SPATA16: variants seen among roughly 807,000 people sequenced by gnomAD.
SPATA16 encodes the protein spermatogenesis-associated protein 16.
In SPATA16, 36 loss-of-function variants were observed where a neutral mutation model predicts 63.3. The observed-to-expected ratio is 0.57, with a 90% CI of 0.44 to 0.75. The LOEUF (loss-of-function observed/expected upper bound fraction) is 0.75, where lower values mean the gene tolerates loss of function less well. Ranked by LOEUF, SPATA16 falls within the 30% of genes least tolerant of loss-of-function variation. The probability of loss-of-function intolerance (pLI) is 0.00; values close to 1 mark genes in which losing one functional copy is unlikely to be tolerated. For missense variants in SPATA16, 646 were observed against 679.3 expected (o/e 0.95, Z 0.54); for synonymous variants, 203 against 216.7 (o/e 0.94, Z 0.56).
chr3:173,033,446 T>C (rs1735648802), intron 3 of SPATA16, among the ~76,000 whole-genome samples: 1 of 152,214 alleles, frequency 6.6e-6, no homozygotes, highest in African/African-American at 2.4e-5. Context: ...TCTTGACATT[T>C]TCTCTTAAAA....
chr3:172,934,445 G>C (rs919475434), intron 6 of SPATA16, among the ~76,000 whole-genome samples: 1 of 152,066 alleles, frequency 6.6e-6, no homozygotes, highest in Non-Finnish European at 1.5e-5. Flanking sequence ...ATTTTATAAG[G>C]TCCTGTATAT....
chr3:172,961,069 T>TTCCTTCCTTCCTTCCTTC lies in SPATA16; in HGVS notation c.934-4246_934-4245insGAAGGAAGGAAGGAAGGA, dbSNP rs1560080334. ...CTTTCTTCTTTCTTTCTTTCTTCTT[T>TTCCTTCCTTCCTTCCTTC]CTTCCTTCCTTCCTTCCTTCCTTCC... On this transcript the variant is annotated intron_variant, in intron 5 of 10. Transcript: ENST00000351008. 8.3e-4 allele frequency among the ~76,000 whole-genome samples: 60 copies of TTCCTTCCTTCCTTCCTTC among 72,380 alleles called. 3 individuals carry two copies. Among genetic ancestry groups the TTCCTTCCTTCCTTCCTTC allele is most frequent in the South Asian group, 3.4e-3 (6 of 1,772 alleles). 47.5% of individuals were successfully genotyped at this position (72,380 alleles called of 152,430 possible).
intron 2 of SPATA16, among the ~76,000 whole-genome samples, chr3:173,075,008 A>AAAG (rs1485154621): frequency 0.1 from 15,235 of 145,748 alleles, 939 homozygotes; most frequent in East Asian, 0.22. Context: ...AAAAAAAAAA[A>AAAG]AAAAGGAAAG....
intron 6 of SPATA16, among the ~76,000 whole-genome samples, chr3:172,954,584 C>T (rs1733528032): frequency 6.6e-6 from 1 of 152,192 alleles, no homozygotes; most frequent in African/African-American, 2.4e-5. Context: ...CTAATCACCT[C>T]TCTGCATCTT....
At chr3:173,138,601 G>A (rs925646971) in intron 1 of SPATA16, among the ~76,000 whole-genome samples, 1 of 152,056 alleles carries the variant, frequency 6.6e-6, no homozygotes, top group Non-Finnish European at 1.5e-5. Flanking sequence ...TCTATGAAAA[G>A]AAATTGAAAT....
At chr3:173,097,017 T>G (rs963608981) in intron 2 of SPATA16, among the ~76,000 whole-genome samples, 2 of 152,184 alleles carry the variant, frequency 1.3e-5, no homozygotes, top group Admixed American at 1.3e-4. Context: ...CAGTTACCCA[T>G]GGTCAACTGC....
rs137935971 is a variant in SPATA16 at position 173,002,358 on chromosome 3, A to T, written c.848+17128T>A. 9.8e-4 allele frequency among the ~76,000 whole-genome samples: 149 copies of T among 152,304 alleles called. 1 individual carries two copies. Among genetic ancestry groups the T allele is most frequent in the African/African-American group, 3.4e-3 (141 of 41,576 alleles). ...AAAAAGAGACAAAGACTGGAGTTTG[A>T]ATAAAATGCAGACTGAATAAATGAT... On this transcript the variant is annotated intron_variant, in intron 4 of 10. Transcript: ENST00000351008.
At chr3:173,016,116 C>T (rs1735181264) in intron 4 of SPATA16, among the ~76,000 whole-genome samples, 1 of 152,254 alleles carries the variant, frequency 6.6e-6, no homozygotes, top group East Asian at 1.9e-4. Flanking sequence ...TTAACCAGTG[C>T]CAGCCATCTC....
rs1309258076 is a variant in SPATA16 at position 173,049,066 on chromosome 3, T to C, written c.641A>G (p.Glu214Gly). 1.9e-6 allele frequency: 3 copies of C among 1,613,604 alleles called. No individual in the cohort carries two copies. Among genetic ancestry groups the C allele is most frequent in the Non-Finnish European group, 2.5e-6 (3 of 1,179,702 alleles). The change falls in exon 3 of 11, where the codon GAA becomes GGA. Residue 214 changes from glutamate to glycine, a missense_variant. Physicochemically the swap from Glu to Gly is moderately conservative, Grantham distance 98. Transcript: ENST00000351008. ...ATCTTCAGCAGGTGCATCAAATGGTTCTCCCAGAACTGCTCCTTTGCTGCA... is the reference window on the plus strand; with the variant it reads ...ATCTTCAGCAGGTGCATCAAATGGTCCTCCCAGAACTGCTCCTTTGCTGCA... ...ELCSKGAVLG[E>G]PFDAPAEDIA...
chr3:173,001,194 G>T (rs922492016), intron 4 of SPATA16, among the ~76,000 whole-genome samples: 2 of 151,706 alleles, frequency 1.3e-5, no homozygotes, highest in Non-Finnish European at 2.9e-5. Context: ...TAGGGGAATT[G>T]TTCTATAATT....
At chr3:172,939,150 G>T (rs904980699) in intron 6 of SPATA16, among the ~76,000 whole-genome samples, 10 of 152,116 alleles carry the variant, frequency 6.6e-5, no homozygotes, top group Admixed American at 1.3e-4. Context: ...TATAACTTCT[G>T]CCTTCCTAAA....
chr3:173,117,036 G>A, intron 2 of SPATA16, 84 bp downstream of exon 2: 4 of 1,328,062 alleles, frequency 3.0e-6, no homozygotes, highest in Non-Finnish European at 4.3e-6. Context: ...GCTTATTACA[G>A]TATGGCCAGA....
chr3:173,120,215 T>A (rs540108804), intron 1 of SPATA16, among the ~76,000 whole-genome samples: 1 of 152,336 alleles, frequency 6.6e-6, no homozygotes, highest in African/African-American at 2.4e-5. Flanking sequence ...TCACTTTATT[T>A]TTTGTTTGCC....
chr3:172,968,216 G>C (rs930774629), intron 5 of SPATA16, among the ~76,000 whole-genome samples: 3 of 152,232 alleles, frequency 2.0e-5, no homozygotes, highest in Non-Finnish European at 2.9e-5. Flanking sequence ...CCCTTGCAGG[G>C]CATATTCTGA....
At chr3:172,986,596 T>C (rs1285967152) in intron 4 of SPATA16, among the ~76,000 whole-genome samples, 1 of 152,110 alleles carries the variant, frequency 6.6e-6, no homozygotes, top group Admixed American at 6.6e-5. Context: ...AGCACACAGC[T>C]TGAACACAGG....
At chr3:172,963,496 T>C (rs986326664) in intron 5 of SPATA16, among the ~76,000 whole-genome samples, 5 of 152,032 alleles carry the variant, frequency 3.3e-5, no homozygotes, top group Middle Eastern at 6.8e-3. Flanking sequence ...TGTAGTGTGT[T>C]ACTGCTATAT....
rs1052960468 is a variant in SPATA16, at chr3:173,033,968, G to A, written c.759-14393C>T. Reference sequence around the variant, plus strand: ...GATCTGTCTGCCTCAGCCTCCCAAAGAGCTGGGATTACAGGAGTGAGCTGC... The same window carrying A: ...GATCTGTCTGCCTCAGCCTCCCAAAAAGCTGGGATTACAGGAGTGAGCTGC... On this transcript the variant is annotated intron_variant, in intron 3 of 10. Transcript: ENST00000351008. 2.0e-5 allele frequency among the ~76,000 whole-genome samples: 3 copies of A among 152,142 alleles called. No individual in the cohort carries two copies. The East Asian group carries it at 5.8e-4, about 29-fold the overall frequency.
intron 10 of SPATA16, among the ~76,000 whole-genome samples, chr3:172,903,568 T>A (rs907332003): frequency 6.6e-6 from 1 of 152,204 alleles, no homozygotes; most frequent in Non-Finnish European, 1.5e-5. Flanking sequence ...GAAAGCCTGA[T>A]GCATTTCTGG....
intron 5 of SPATA16, among the ~76,000 whole-genome samples, chr3:172,961,063 C>CTTCT (rs1278411759): frequency 7.6e-4 from 22 of 28,760 alleles, no homozygotes; most frequent in East Asian, 3.7e-3. Context: ...TTCTTTCTTT[C>CTTCT]TTCTTTCTTC....
Sources: allele counts gnomAD v4.1 joint callset (sites outside exome capture counted in the v4.1 genomes callset), GRCh38; gene constraint gnomAD v4.1.1; transcripts MANE v1.5; gene names NCBI Gene and HGNC (gene_info 2026-07-23, HGNC 2026-07-21).